Variants in CALHM1 observed in about 807,000 individuals in gnomAD.
CALHM1 encodes the protein calcium homeostasis modulator protein 1.
In CALHM1, 11 loss-of-function variants were observed where a neutral mutation model predicts 14.8. That is an observed-to-expected ratio of 0.74 (90% confidence interval 0.47 to 1.23). CALHM1 has a LOEUF of 1.23. Among genes scored for constraint, CALHM1 ranks in the 50% most tolerant of loss-of-function variants. The probability of loss-of-function intolerance (pLI) is 0.00; values close to 1 mark genes in which losing one functional copy is unlikely to be tolerated. For missense variants in CALHM1, 458 were observed against 496.4 expected (o/e 0.92, Z 0.74); for synonymous variants, 215 against 218.9 (o/e 0.98, Z 0.16).
In CALHM1 at chr10:103,458,126, G is replaced by A. The variant is rs1170603735; in HGVS notation, c.555+71C>T. The A allele has an allele frequency of 6.4e-7, 1 of 1,550,966 alleles. No homozygotes were observed. The highest frequency in any genetic ancestry group is 2.2e-5 in the East Asian group (1 of 44,482). ...GCAGAGGCCCCATTTTGAGAGGTAG[G>A]GGGATAGGGCCCTCCCAGAGGGACC... On this transcript the variant is annotated intron_variant, in intron 1 of 1. Coordinates refer to ENST00000329905, the MANE Select transcript of CALHM1 (RefSeq NM_001001412.4). This position sits in a 1 kb window ranked among gnomAD's most constrained non-coding sequence, Gnocchi z 4.9.
rs1162455739 is a variant in CALHM1 at position 103,453,549 on chromosome 10, CT to C, written c.*1712del. The C allele has an allele frequency of 1.3e-5, 2 of 152,124 alleles. No individual in the cohort carries two copies. The highest frequency in any genetic ancestry group is 3.9e-4 in the East Asian group (2 of 5,192). 9.4% of individuals were successfully genotyped at this position (152,124 alleles called of 1,614,324 possible). ...GTGCTGGGATTACAGGCATGAGCCA[CT>C]CCGCCTGGCCAAGCAGGTCTTCTAA... On this transcript the variant is annotated 3_prime_UTR_variant, in exon 2 of 2. Transcript: ENST00000329905.
rs1193772970 is a variant in CALHM1, at chr10:103,455,257, A to ACGCCT, written c.*4_*5insAGGCG. 3 of 1,584,702 alleles carry ACGCCT rather than the reference A, an allele frequency of 1.9e-6. No individual in the cohort carries two copies. The highest frequency in any genetic ancestry group is 2.6e-6 in the Non-Finnish European group (3 of 1,164,998). On this transcript the variant is annotated 3_prime_UTR_variant, in exon 2 of 2. Coordinates refer to ENST00000329905, the MANE Select transcript of CALHM1 (RefSeq NM_001001412.4). ...CCCGTTCCTGCCTCTTCAGCTGGCCACACCTCACACTTTGCTGAAGTAGGT... is the reference window on the plus strand; with the variant it reads ...CCCGTTCCTGCCTCTTCAGCTGGCCACGCCTCACCTCACACTTTGCTGAAGTAGGT...
At position 103,455,173 on chromosome 10, in the gene CALHM1, A is replaced by G; in HGVS notation, c.*89T>C. On this transcript the variant is annotated 3_prime_UTR_variant, in exon 2 of 2. Coordinates refer to ENST00000329905, the MANE Select transcript of CALHM1 (RefSeq NM_001001412.4). ...TCTGCCTAGGGGAGTACTGCCCAGC[A>G]CTGAAACCCTTCCTTTTTCCACCTG... The G allele has an allele frequency of 6.8e-7, 1 of 1,470,366 alleles. No individual in the cohort carries two copies. The highest frequency in any genetic ancestry group is 9.0e-7 in the Non-Finnish European group (1 of 1,109,364). The allele number at this position is 1,470,366 out of a possible 1,614,324, so 91.1% of individuals were successfully genotyped here.
Position 103,458,059 on chromosome 10 carries a change from T to A in CALHM1, c.555+138A>T. 1 of 1,033,464 alleles carries A rather than the reference T, an allele frequency of 9.7e-7. No homozygotes were observed. Among genetic ancestry groups the A allele is most frequent in the South Asian group, 1.5e-5 (1 of 64,848 alleles). The allele number at this position is 1,033,464 out of a possible 1,614,324, so 64.0% of individuals were successfully genotyped here. On this transcript the variant is annotated intron_variant, in intron 1 of 1. Transcript: ENST00000329905. The surrounding 1 kb of genome is among the most constrained non-coding windows in gnomAD (Gnocchi z 4.9). ...CAGATGCGTGGCTCTGCCTTCAGCC[T>A]CAGTTGGGAAGATGCCCCCCACACC...
At position 103,453,552 on chromosome 10, in the gene CALHM1, C is replaced by G. The variant is rs370628143; in HGVS notation, c.*1710G>C. 7.9e-5 allele frequency: 12 copies of G among 152,038 alleles called. No individual in the cohort carries two copies. The highest frequency in any genetic ancestry group is 7.4e-5 in the Non-Finnish European group (5 of 68,024). The allele number at this position is 152,038 out of a possible 1,614,324, so 9.4% of individuals were successfully genotyped here. ...CTGGGATTACAGGCATGAGCCACTC[C>G]GCCTGGCCAAGCAGGTCTTCTAATA... On this transcript the variant is annotated 3_prime_UTR_variant, in exon 2 of 2. Transcript: ENST00000329905.
In CALHM1 at chr10:103,455,606, C is replaced by T. The variant is rs573376053; in HGVS notation, c.697G>A (p.Glu233Lys). Residue 233 changes from glutamate (E) to lysine (K), a missense_variant, in exon 2 of 2, where the codon GAG becomes AAG. By Grantham distance (56) the Glu-to-Lys change is moderately conservative. Transcript: ENST00000329905. The part of the protein sequence containing the change: ...YIDIERKLFD[E>K]TCTEHAKAFA... ...GCTTTGGCGTGCTCCGTGCACGTCT[C>T]GTCGAAGAGCTTGCGCTCGATGTCG... is the stretch of plus-strand genomic sequence containing the variant. 23 of 1,613,960 alleles carry T rather than the reference C, an allele frequency of 1.4e-5. No homozygotes were observed. The Admixed American group carries it at 1.5e-4, about 11-fold the overall frequency.
chr10:103,455,308 G>A lies in CALHM1; in HGVS notation c.995C>T (p.Pro332Leu). ...GGCCACCTCCTTACGCGGAGGCCGG[G>A]GCCCACCCCCAGCCCAGCCGTTGCC... ...LMGNGWAGGGPRPPRKEVATY... is the reference protein window; with the variant it reads ...LMGNGWAGGGLRPPRKEVATY... The change falls in exon 2 of 2, where the codon CCC (proline) becomes CTC (leucine). Residue 332 changes from proline (P) to leucine (L), a missense_variant. Pro to Leu is a moderately conservative substitution (Grantham distance 98, BLOSUM62 -3). Transcript: ENST00000329905. The A allele has an allele frequency of 6.2e-7, 1 of 1,613,084 alleles. No individual in the cohort carries two copies. Among genetic ancestry groups the A allele is most frequent in the Non-Finnish European group, 8.5e-7 (1 of 1,179,826 alleles).
chr10:103,455,022 T>A lies in CALHM1; in HGVS notation c.*240A>T. 1.7e-6 allele frequency: 1 copy of A among 603,128 alleles called. No individual in the cohort carries two copies. Among genetic ancestry groups the A allele is most frequent in the Non-Finnish European group, 2.9e-6 (1 of 348,380 alleles). The allele number at this position is 603,128 out of a possible 1,614,324, so 37.4% of individuals were successfully genotyped here. A position where few individuals can be genotyped will look rare whatever the true frequency, so the allele number is the denominator to read the frequency against. ...CATGACAGTTCCGACCCCTTTAGAC[T>A]AATACTGCTCATGGGCCCACTGCCC... On this transcript the variant is annotated 3_prime_UTR_variant, in exon 2 of 2. Transcript: ENST00000329905.
rs961212523 is a variant in CALHM1 at position 103,454,053 on chromosome 10, T to C, written c.*1209A>G. On this transcript the variant is annotated 3_prime_UTR_variant, in exon 2 of 2. Transcript: ENST00000329905. The stretch of plus-strand genomic sequence containing the variant: ...TACCTCTGTTTCCTCCTCAACAAGA[T>C]GGAAGCTCGAGTGTTTGTGTTGCTG... 6.6e-6 allele frequency: 1 copy of C among 152,216 alleles called. No homozygotes were observed. Among genetic ancestry groups the C allele is most frequent in the Non-Finnish European group, 1.5e-5 (1 of 68,040 alleles). 9.4% of individuals were successfully genotyped at this position (152,216 alleles called of 1,614,324 possible).
Position 103,458,243 on chromosome 10 carries a change from A to G in CALHM1, c.509T>C (p.Leu170Pro). 6.2e-7 allele frequency: 1 copy of G among 1,613,112 alleles called. No homozygotes were observed. Among genetic ancestry groups the G allele is most frequent in the Non-Finnish European group, 8.5e-7 (1 of 1,179,852 alleles). Residue 170 changes from leucine to proline, a missense_variant, in exon 1 of 2, where the codon CTG (leucine) becomes CCG (proline). Physicochemically the swap from Leu to Pro is moderately conservative, Grantham distance 98 (BLOSUM62 -3). Transcript: ENST00000329905. This position sits in a 1 kb window ranked among gnomAD's most constrained non-coding sequence, Gnocchi z 4.9. ...ACGCACGGCCACCTCTCGGGCCAACAGCCAGTCGCCATCGTAGATCTCAGG... is the reference window on the plus strand; with the variant it reads ...ACGCACGGCCACCTCTCGGGCCAACGGCCAGTCGCCATCGTAGATCTCAGG... ...PCPEIYDGDWLLAREVAVRYL... is the reference protein window; with the variant it reads ...PCPEIYDGDWPLAREVAVRYL...
chr10:103,458,456 A>T lies in CALHM1; in HGVS notation c.296T>A (p.Met99Lys), dbSNP rs777221961. The change falls in exon 1 of 2, where the codon ATG (methionine) becomes AAG (lysine). Residue 99 changes from methionine to lysine, a missense_variant. Transcript: ENST00000329905. This position sits in a 1 kb window ranked among gnomAD's most constrained non-coding sequence, Gnocchi z 4.9. ...RAKDPAVLRY[M>K]FCSMAQRALI... ...GGCGCGCTGGGCCATGGAGCAGAACATGTAGCGCAACACAGCGGGGTCCTT... is the reference window on the plus strand; with the variant it reads ...GGCGCGCTGGGCCATGGAGCAGAACTTGTAGCGCAACACAGCGGGGTCCTT... 1 of 1,612,956 alleles carries T rather than the reference A, an allele frequency of 6.2e-7. No homozygotes were observed. The highest frequency in any genetic ancestry group is 1.3e-5 in the African/African-American group (1 of 74,922).
rs2033171859 is a variant in CALHM1, at chr10:103,458,129, G to A, written c.555+68C>T. 2 of 1,553,964 alleles carry A rather than the reference G, an allele frequency of 1.3e-6. No homozygotes were observed. The highest frequency in any genetic ancestry group is 3.4e-5 in the Admixed American group (2 of 59,038). On this transcript the variant is annotated intron_variant, in intron 1 of 1. Coordinates refer to ENST00000329905, the MANE Select transcript of CALHM1 (RefSeq NM_001001412.4). This position sits in a 1 kb window ranked among gnomAD's most constrained non-coding sequence, Gnocchi z 4.9. ...GAGGCCCCATTTTGAGAGGTAGGGG[G>A]ATAGGGCCCTCCCAGAGGGACCTTG... is the stretch of plus-strand genomic sequence containing the variant.
chr10:103,455,604 C>G lies in CALHM1; in HGVS notation c.699G>C (p.Glu233Asp). 1 of 1,613,998 alleles carries G rather than the reference C, an allele frequency of 6.2e-7. No individual in the cohort carries two copies. The highest frequency in any genetic ancestry group is 8.5e-7 in the Non-Finnish European group (1 of 1,180,042). Reference sequence around the variant, plus strand: ...AGGCTTTGGCGTGCTCCGTGCACGTCTCGTCGAAGAGCTTGCGCTCGATGT... The same window carrying G: ...AGGCTTTGGCGTGCTCCGTGCACGTGTCGTCGAAGAGCTTGCGCTCGATGT... ...YIDIERKLFD[E>D]TCTEHAKAFA... The change falls in exon 2 of 2, where the codon GAG becomes GAC. Residue 233 changes from glutamate to aspartate, a missense_variant. Glu to Asp is a conservative substitution (Grantham distance 45, BLOSUM62 2). Transcript: ENST00000329905.
Position 103,458,080 on chromosome 10 carries a change from A to T in CALHM1, c.555+117T>A. 1 of 1,242,944 alleles carries T rather than the reference A, an allele frequency of 8.0e-7. No individual in the cohort carries two copies. The highest frequency in any genetic ancestry group is 1.1e-6 in the Non-Finnish European group (1 of 889,704). The allele number at this position is 1,242,944 out of a possible 1,614,324, so 77.0% of individuals were successfully genotyped here. On this transcript the variant is annotated intron_variant, in intron 1 of 1. Coordinates refer to ENST00000329905, the MANE Select transcript of CALHM1 (RefSeq NM_001001412.4). The surrounding 1 kb of genome is among the most constrained non-coding windows in gnomAD (Gnocchi z 4.9). Reference sequence around the variant, plus strand: ...AGCCTCAGTTGGGAAGATGCCCCCCACACCTCGGAGCTCCACCTGAGCAGA... The same window carrying T: ...AGCCTCAGTTGGGAAGATGCCCCCCTCACCTCGGAGCTCCACCTGAGCAGA...
Position 103,455,142 on chromosome 10 carries a change from T to G in CALHM1, c.*120A>C, listed in dbSNP as rs990062286. The G allele has an allele frequency of 1.5e-6, 2 of 1,369,006 alleles. No homozygotes were observed. The highest frequency in any genetic ancestry group is 1.5e-5 in the African/African-American group (1 of 68,176). The allele number at this position is 1,369,006 out of a possible 1,614,324, so 84.8% of individuals were successfully genotyped here. ...CAATGGGCAGGCGAGTGCTAGGGAG[T>G]GTGGATCTGCCTAGGGGAGTACTGC... On this transcript the variant is annotated 3_prime_UTR_variant, in exon 2 of 2. Transcript: ENST00000329905.
At position 103,455,521 on chromosome 10, in the gene CALHM1, C is replaced by A. The variant is rs1417622478; in HGVS notation, c.782G>T (p.Gly261Val). Residue 261 changes from glycine (G) to valine (V), a missense_variant, in exon 2 of 2, where the codon GGT (glycine) becomes GTT (valine). Gly to Val is a moderately radical substitution (Grantham distance 109). Coordinates refer to ENST00000329905, the MANE Select transcript of CALHM1 (RefSeq NM_001001412.4). Reference protein sequence around the residue: ...FEAMNHDLELGHTHGTLATAP... With the variant: ...FEAMNHDLELVHTHGTLATAP... ...CGTGGCCAGTGTCCCGTGGGTGTGACCCAGCTCCAGGTCATGGTTCATGGC... is the reference window on the plus strand; with the variant it reads ...CGTGGCCAGTGTCCCGTGGGTGTGAACCAGCTCCAGGTCATGGTTCATGGC... 3.1e-6 allele frequency: 5 copies of A among 1,613,542 alleles called. No homozygotes were observed. The highest frequency in any genetic ancestry group is 4.2e-6 in the Non-Finnish European group (5 of 1,179,920).
Position 103,455,568 on chromosome 10 carries a change from G to GT in CALHM1, c.734_735insA (p.Cys246LeufsTer12). On this transcript the variant is annotated frameshift_variant, in exon 2 of 2. Transcript: ENST00000329905. LOFTEE classifies it low-confidence loss of function (END_TRUNC). Reference sequence around the variant, plus strand: ...TGGCCTCGAAGAACTGCTGGATGCAGACCTTGGCAAAGGCTTTGGCGTGCT... The same window carrying GT: ...TGGCCTCGAAGAACTGCTGGATGCAGTACCTTGGCAAAGGCTTTGGCGTGCT... 1 of 1,614,062 alleles carries GT rather than the reference G, an allele frequency of 6.2e-7. No individual in the cohort carries two copies. Among genetic ancestry groups the GT allele is most frequent in the Non-Finnish European group, 8.5e-7 (1 of 1,180,038 alleles).
At position 103,454,877 on chromosome 10, in the gene CALHM1, T is replaced by C. The variant is rs767854296; in HGVS notation, c.*385A>G. 18 of 232,348 alleles carry C rather than the reference T, an allele frequency of 7.7e-5. No individual in the cohort carries two copies. The highest frequency in any genetic ancestry group is 1.2e-4 in the Non-Finnish European group (15 of 120,080). The allele number at this position is 232,348 out of a possible 1,614,324, so 14.4% of individuals were successfully genotyped here. On this transcript the variant is annotated 3_prime_UTR_variant, in exon 2 of 2. Coordinates refer to ENST00000329905, the MANE Select transcript of CALHM1 (RefSeq NM_001001412.4). ...CCGGAGCATAAAGGAAGAGAGGTAC[T>C]GAACAGCCACAGACGAGGGTGGACC...
chr10:103,456,145 C>T (rs2033148089), intron 1 of CALHM1, among the ~76,000 whole-genome samples: 1 of 152,250 alleles, frequency 6.6e-6, no homozygotes, highest in Admixed American at 6.5e-5. Context: ...TAGCACCTAT[C>T]TCAGAGTGTT....
Sources: allele counts gnomAD v4.1 joint callset (sites outside exome capture counted in the v4.1 genomes callset), GRCh38; gene constraint gnomAD v4.1.1; non-coding constraint Gnocchi (gnomAD v3.1); transcripts MANE v1.5; gene names NCBI Gene and HGNC (gene_info 2026-07-23, HGNC 2026-07-21).